Variants in WDR70 observed in about 807,000 individuals in gnomAD.
WDR70 encodes the protein WD repeat domain 70.
In WDR70, 53 loss-of-function variants were observed where a neutral mutation model predicts 88.6. That is an observed-to-expected ratio of 0.60 (90% CI 0.48 to 0.75). WDR70 has a LOEUF of 0.75. Ranked by LOEUF, WDR70 falls within the 30% of genes least tolerant of loss-of-function variation. The pLI is 0.00. For missense variants in WDR70, 610 were observed against 823.2 expected (o/e 0.74, Z 3.17); for synonymous variants, 280 against 270.0 (o/e 1.04, Z -0.36).
intron 9 of WDR70, among the ~76,000 whole-genome samples, chr5:37,564,692 A>C (rs1180107081): frequency 6.6e-6 from 1 of 152,158 alleles, no homozygotes; most frequent in African/African-American, 2.4e-5. Flanking sequence ...CAGATAGAAA[A>C]AAATTTTTAC....
chr5:37,393,045 C>CT (rs552490627), intron 4 of WDR70, among the ~76,000 whole-genome samples: 50 of 151,764 alleles, frequency 3.3e-4, no homozygotes, highest in Non-Finnish European at 5.9e-4. Context: ...TTTTGTTATT[C>CT]TTTTTTTTGT....
intron 9 of WDR70, among the ~76,000 whole-genome samples, chr5:37,565,703 G>T (rs977952063): frequency 6.6e-6 from 1 of 151,930 alleles, no homozygotes. Flanking sequence ...TTTTAAATGG[G>T]TTCATCAAGA....
chr5:37,443,450 A>G (rs777341652), intron 7 of WDR70, 78 bp downstream of exon 7: 13 of 1,509,688 alleles, frequency 8.6e-6, no homozygotes, highest in Non-Finnish European at 1.2e-5. Flanking sequence ...TGGCTTTGGA[A>G]TCCCATCTAC....
At chr5:37,716,079 C>T (rs938569218) in intron 13 of WDR70, among the ~76,000 whole-genome samples, 1 of 152,182 alleles carries the variant, frequency 6.6e-6, no homozygotes, top group Admixed American at 6.5e-5. Flanking sequence ...AATGCTTGTT[C>T]AGGGAATCAC....
At chr5:37,452,401 G>C (rs1387350739) in intron 7 of WDR70, among the ~76,000 whole-genome samples, 1 of 152,062 alleles carries the variant, frequency 6.6e-6, no homozygotes, top group African/African-American at 2.4e-5. Context: ...GAGGAACTGG[G>C]ATTACAGGTG....
chr5:37,599,763 C>T (rs138197669), intron 9 of WDR70, among the ~76,000 whole-genome samples: 79 of 152,028 alleles, frequency 5.2e-4, no homozygotes, highest in African/African-American at 1.8e-3. Context: ...CGTGGTGGCG[C>T]GTGCCTGTAC....
chr5:37,442,196 C>T (rs935935861), intron 6 of WDR70, among the ~76,000 whole-genome samples: 1 of 151,502 alleles, frequency 6.6e-6, no homozygotes, highest in African/African-American at 2.4e-5. Context: ...CGCCACCATG[C>T]CTGGCTAATT....
In WDR70 at chr5:37,443,245, G is replaced by A; in HGVS notation, c.559G>A (p.Ala187Thr). ...TLKHGTKTVS[A>T]LGLDPSGARL... is the part of the protein sequence containing the mutation. ...TTTATTTTTTTAAAACCAGGTGTCT[G>A]CTTTGGGTCTGGATCCCTCAGGTGC... Residue 187 changes from alanine (A) to threonine (T), a missense_variant, in exon 7 of 18, where the codon GCT (alanine) becomes ACT (threonine). Ala to Thr is a moderately conservative substitution (Grantham distance 58). This residue lies in a region of WDR70 where 203 missense variants were observed against 228.1 expected (regional missense o/e 0.89). Transcript: ENST00000265107. 6.2e-7 allele frequency: 1 copy of A among 1,611,094 alleles called. No individual in the cohort carries two copies. The highest frequency in any genetic ancestry group is 8.5e-7 in the Non-Finnish European group (1 of 1,178,766).
Position 37,605,097 on chromosome 5 carries a change from G to A in WDR70, c.951G>A (p.Lys317=), listed in dbSNP as rs1446599245. The A allele has an allele frequency of 3.1e-6, 5 of 1,610,184 alleles. No homozygotes were observed. Among genetic ancestry groups the A allele is most frequent in the Non-Finnish European group, 4.2e-6 (5 of 1,178,222 alleles). ...GGACGTGGGAAGTTGAAAATCCAAA[G>A]AAGCAAAAAAGTGTGTTTAAACCAC... is the stretch of plus-strand genomic sequence containing the variant. ...TVRTWEVENP[K]KQKSVFKPRT... The change falls in exon 10 of 18, where the codon AAG becomes AAA. Residue 317 remains lysine, a synonymous_variant. Coordinates refer to ENST00000265107, the MANE Select transcript of WDR70 (RefSeq NM_018034.4).
chr5:37,738,599 CA>C (rs921101446), intron 17 of WDR70, among the ~76,000 whole-genome samples: 2 of 152,148 alleles, frequency 1.3e-5, no homozygotes, highest in Non-Finnish European at 2.9e-5. Context: ...CAATGCACCC[CA>C]AAAATGCCCT....
chr5:37,450,133 T>A (rs1355890253), intron 7 of WDR70, among the ~76,000 whole-genome samples: 15 of 152,202 alleles, frequency 9.9e-5, no homozygotes, highest in Non-Finnish European at 2.2e-4. Context: ...ACATTTTCTT[T>A]ATCCAGTCTA....
chr5:37,506,271 T>A, intron 8 of WDR70: 3 of 918,600 alleles, frequency 3.3e-6, no homozygotes, highest in South Asian at 1.3e-5. Context: ...TGGTGAATGA[T>A]CCTCTGGTGA....
chr5:37,717,053 G>C (rs1747673555), intron 13 of WDR70, among the ~76,000 whole-genome samples: 1 of 151,968 alleles, frequency 6.6e-6, no homozygotes, highest in Non-Finnish European at 1.5e-5. Flanking sequence ...TCCTATTCCA[G>C]TTCTTGTCTC....
chr5:37,510,312 A>G (rs773987703), intron 8 of WDR70, among the ~76,000 whole-genome samples: 4 of 152,008 alleles, frequency 2.6e-5, no homozygotes, highest in Non-Finnish European at 4.4e-5. Flanking sequence ...CCACCTGTAT[A>G]TACACACTCA....
At chr5:37,521,019 G>T (rs946541973) in intron 9 of WDR70, among the ~76,000 whole-genome samples, 9 of 151,904 alleles carry the variant, frequency 5.9e-5, no homozygotes, top group South Asian at 2.1e-4. Flanking sequence ...TAACCACAGA[G>T]GACCTGGGCT....
intron 14 of WDR70, 185 bp from the exon 15 acceptor site, chr5:37,722,670 C>T (rs1452235348): frequency 6.8e-6 from 4 of 591,802 alleles, no homozygotes; most frequent in African/African-American, 3.7e-5. Context: ...GACAGACTTG[C>T]TTTTCCATAA....
chr5:37,618,290 CTT>C (rs1349402541), intron 10 of WDR70, among the ~76,000 whole-genome samples: 1 of 152,122 alleles, frequency 6.6e-6, no homozygotes, highest in African/African-American at 2.4e-5. Flanking sequence ...TGTAATTTCA[CTT>C]TGTCACTATT....
intron 3 of WDR70, among the ~76,000 whole-genome samples, chr5:37,382,810 C>A (rs1211601324): frequency 3.9e-5 from 6 of 152,046 alleles, no homozygotes; most frequent in Admixed American, 2.0e-4. Flanking sequence ...GTCAGGAGTT[C>A]GTGACCAGCC....
intron 3 of WDR70, among the ~76,000 whole-genome samples, chr5:37,381,980 G>T (rs1395421316): frequency 6.8e-6 from 1 of 146,812 alleles, no homozygotes; most frequent in African/African-American, 2.4e-5. Flanking sequence ...TTGAAGTCGG[G>T]AGGCAGAGGT....
Sources: allele counts gnomAD v4.1 joint callset (sites outside exome capture counted in the v4.1 genomes callset), GRCh38; gene constraint gnomAD v4.1.1; regional missense constraint gnomAD v4.1.1; transcripts MANE v1.5; gene names NCBI Gene and HGNC (gene_info 2026-07-23, HGNC 2026-07-21).